Variants in R3HCC1L observed in about 807,000 individuals in gnomAD.
The protein encoded by R3HCC1L is R3H domain and coiled-coil containing 1 like.
A neutral mutation model predicts 59.9 loss-of-function variants in R3HCC1L; 51 were observed. The observed-to-expected ratio is 0.85, with a 90% CI of 0.68 to 1.07. The LOEUF is 1.07. R3HCC1L is among the 50% of genes least tolerant of loss of function. The pLI, the probability that R3HCC1L is intolerant of heterozygous loss-of-function variation, is 0.00. For synonymous variants in R3HCC1L, 322 were observed against 315.2 expected (o/e 1.02, Z -0.23); for missense variants, 965 against 933.0 (o/e 1.03, Z -0.45).
chr10:98,175,159 A>G (rs1371367259), intron 4 of R3HCC1L, among the ~76,000 whole-genome samples: 1 of 152,204 alleles, frequency 6.6e-6, no homozygotes, highest in African/African-American at 2.4e-5. Context: ...GATTTAAGAA[A>G]GAAACCGTCA....
chr10:98,222,360 A>G (rs562814887), intron 5 of R3HCC1L, among the ~76,000 whole-genome samples: 3 of 151,892 alleles, frequency 2.0e-5, no homozygotes, highest in African/African-American at 7.3e-5. Flanking sequence ...TCCTAATTGA[A>G]TACCCTTTAT....
rs755945132 is a variant in R3HCC1L at position 98,209,535 on chromosome 10, C to G, written c.1421C>G (p.Pro474Arg). The G allele has an allele frequency of 2.5e-6, 4 of 1,613,826 alleles. No individual in the cohort carries two copies. The highest frequency in any genetic ancestry group is 3.4e-6 in the Non-Finnish European group (4 of 1,179,960). The change falls in exon 5 of 10, where the codon CCT (proline) becomes CGT (arginine). Residue 474 changes from proline (P) to arginine (R), a missense_variant. Coordinates refer to ENST00000298999, the MANE Select transcript of R3HCC1L (RefSeq NM_001351015.2). Reference protein sequence around the residue: ...ESLSDCASSLPIKKIAGSNYN... With the variant: ...ESLSDCASSLRIKKIAGSNYN... ...TTGTCAGATTGTGCTTCCTCCTTACCTATAAAAAAGATTGCTGGTAGTAAT... is the reference window on the plus strand; with the variant it reads ...TTGTCAGATTGTGCTTCCTCCTTACGTATAAAAAAGATTGCTGGTAGTAAT...
intron 4 of R3HCC1L, among the ~76,000 whole-genome samples, chr10:98,188,575 TC>T (rs1850486968): frequency 6.6e-6 from 1 of 152,214 alleles, no homozygotes; most frequent in Non-Finnish European, 1.5e-5. Flanking sequence ...GAACTGGTGT[TC>T]CTTTGGCTTT....
At chr10:98,162,126 A>G (rs1847481197) in intron 2 of R3HCC1L, among the ~76,000 whole-genome samples, 1 of 151,904 alleles carries the variant, frequency 6.6e-6, no homozygotes, top group Non-Finnish European at 1.5e-5. Flanking sequence ...GCTCAATAAT[A>G]TGCCTTGTAG....
intron 2 of R3HCC1L, among the ~76,000 whole-genome samples, chr10:98,158,757 T>C (rs1847121885): frequency 6.6e-6 from 1 of 152,146 alleles, no homozygotes. Context: ...TCAGTTGTCA[T>C]ATCTCTAGTT....
chr10:98,182,066 C>CTGTGAGGA (rs1000963055), intron 4 of R3HCC1L, among the ~76,000 whole-genome samples: 1 of 152,210 alleles, frequency 6.6e-6, no homozygotes, highest in Admixed American at 6.5e-5. Context: ...TGGCAAGGAG[C>CTGTGAGGA]TGTGATCCTT....
At chr10:98,154,519 A>G (rs572035826) in intron 1 of R3HCC1L, among the ~76,000 whole-genome samples, 1 of 152,288 alleles carries the variant, frequency 6.6e-6, no homozygotes, top group African/African-American at 2.4e-5. Flanking sequence ...AACATTTTAG[A>G]TTTTGTAGCA....
chr10:98,150,349 C>G (rs1205163177), intron 1 of R3HCC1L, among the ~76,000 whole-genome samples: 8 of 152,132 alleles, frequency 5.3e-5, no homozygotes, highest in Admixed American at 5.2e-4. Context: ...GCTGTTGTTT[C>G]TTGTGGATGT....
rs866592309 is a variant in R3HCC1L at position 98,163,277 on chromosome 10, T to C, written c.-119-16T>C. 1.6e-5 allele frequency: 8 copies of C among 507,204 alleles called. No homozygotes were observed. In the South Asian group the frequency reaches 5.2e-4, roughly 33 times the overall value. The allele number at this position is 507,204 out of a possible 1,614,324, so 31.4% of individuals were successfully genotyped here. A position where few individuals can be genotyped will look rare whatever the true frequency, so the allele number is the denominator to read the frequency against. On this transcript the variant is annotated splice_polypyrimidine_tract_variant and intron_variant, in intron 3 of 9. Transcript: ENST00000298999. ...GTGTATTTTTATAAAAATAACTTAT[T>C]ATTACTATTTTTCAGGTGAGGCTGC...
intron 9 of R3HCC1L, 134 bp from the exon 10 acceptor site, chr10:98,243,957 C>T: frequency 3.1e-6 from 2 of 652,844 alleles, no homozygotes; most frequent in East Asian, 2.9e-5. Flanking sequence ...AAGGAATTAA[C>T]TCTTGTTATC....
intron 4 of R3HCC1L, among the ~76,000 whole-genome samples, chr10:98,182,536 A>G (rs1849744953): frequency 6.6e-6 from 1 of 152,112 alleles, no homozygotes; most frequent in Admixed American, 6.5e-5. Flanking sequence ...CTCAGAGCTC[A>G]AACACCGTGC....
intron 2 of R3HCC1L, among the ~76,000 whole-genome samples, chr10:98,157,689 T>G (rs1847017952): frequency 6.6e-6 from 1 of 152,248 alleles, no homozygotes; most frequent in Non-Finnish European, 1.5e-5. Context: ...GTTACTTTTT[T>G]TCTCTTCTCT....
intron 4 of R3HCC1L, among the ~76,000 whole-genome samples, chr10:98,182,310 G>C (rs1322798317): frequency 6.6e-6 from 1 of 152,302 alleles, no homozygotes. Context: ...CTGGAGGTTC[G>C]CTCTGGACCC....
chr10:98,194,541 G>A (rs540825569), intron 4 of R3HCC1L, among the ~76,000 whole-genome samples: 65 of 152,256 alleles, frequency 4.3e-4, no homozygotes, highest in South Asian at 1.2e-3. Flanking sequence ...TGTAAACACA[G>A]CCTGAGGAAT....
intron 5 of R3HCC1L, among the ~76,000 whole-genome samples, chr10:98,213,511 G>A (rs1853821725): frequency 6.6e-6 from 1 of 152,126 alleles, no homozygotes; most frequent in Non-Finnish European, 1.5e-5. Context: ...GGAGATTAGA[G>A]GGATAGGACA....
intron 4 of R3HCC1L, among the ~76,000 whole-genome samples, chr10:98,169,802 A>G (rs1350167832): frequency 6.6e-6 from 1 of 152,162 alleles, no homozygotes; most frequent in Non-Finnish European, 1.5e-5. Context: ...ATGCAAATAA[A>G]TCAGCCTTTA....
rs1439550561 is a variant in R3HCC1L at position 98,208,795 on chromosome 10, C to G, written c.681C>G (p.Val227=). The change falls in exon 5 of 10, where the codon GTC becomes GTG. Residue 227 remains valine, a synonymous_variant. Transcript: ENST00000298999. ...AGTTTCCTAGAGTTTTTAGTTCTGTCATGAAACCTGAGAATATGATTGTAC... is the reference window on the plus strand; with the variant it reads ...AGTTTCCTAGAGTTTTTAGTTCTGTGATGAAACCTGAGAATATGATTGTAC... The part of the protein sequence containing the change: ...LYEFPRVFSS[V]MKPENMIVPI... 6.2e-7 allele frequency: 1 copy of G among 1,613,868 alleles called. No individual in the cohort carries two copies. The highest frequency in any genetic ancestry group is 1.7e-5 in the Admixed American group (1 of 59,978).
intron 5 of R3HCC1L, among the ~76,000 whole-genome samples, chr10:98,219,516 A>G (rs1207778837): frequency 6.6e-6 from 1 of 151,766 alleles, no homozygotes; most frequent in Non-Finnish European, 1.5e-5. Flanking sequence ...CTTTCTTCCT[A>G]TCTTATTTAT....
intron 5 of R3HCC1L, among the ~76,000 whole-genome samples, chr10:98,225,146 A>T (rs1855529007): frequency 6.6e-6 from 1 of 152,186 alleles, no homozygotes; most frequent in Admixed American, 6.5e-5. Context: ...TTTACTTATT[A>T]CATAGCCACA....
Sources: gnomAD v4.1 joint callset for allele counts (sites outside exome capture counted in the v4.1 genomes callset) on GRCh38, gnomAD v4.1.1 for gene constraint, MANE v1.5 for transcripts, NCBI Gene and HGNC (gene_info 2026-07-23, HGNC 2026-07-21) for gene names.